Variants in DNAH9 observed in about 807,000 individuals in gnomAD.
The protein encoded by DNAH9 is DNAH9 variant protein.
A neutral mutation model predicts 471.6 loss-of-function variants in DNAH9; 345 were observed. The ratio of observed to expected loss-of-function variants is 0.73; its 90% CI spans 0.67 to 0.80. The LOEUF (loss-of-function observed/expected upper bound fraction) is 0.80, where lower values mean the gene tolerates loss of function less well. Among genes scored for constraint, DNAH9 ranks in the 30% least tolerant of loss-of-function variants. DNAH9 has a pLI of 0.00. For synonymous variants in DNAH9, 2,093 were observed against 2,123.6 expected (o/e 0.99, Z 0.40); for missense variants, 5,407 against 5,609.2 (o/e 0.96, Z 1.15).
At chr17:11,768,137 G>C (rs1968044634) in intron 36 of DNAH9, among the ~76,000 whole-genome samples, 1 of 152,140 alleles carries the variant, frequency 6.6e-6, no homozygotes, top group South Asian at 2.1e-4. Context: ...AGGAGTTCTT[G>C]ATTCTCCCCC....
chr17:11,701,463 TC>T (rs1262695806), intron 24 of DNAH9, among the ~76,000 whole-genome samples: 1 of 152,148 alleles, frequency 6.6e-6, no homozygotes, highest in Non-Finnish European at 1.5e-5. Context: ...TCAAGGGTGA[TC>T]TCTTTTTGCC....
At chr17:11,848,320 G>A (rs1971295208) in intron 49 of DNAH9, among the ~76,000 whole-genome samples, 1 of 152,052 alleles carries the variant, frequency 6.6e-6, no homozygotes, top group Admixed American at 6.6e-5. Flanking sequence ...AAAAAGTTTA[G>A]CATCACTAGT....
chr17:11,696,809 T>C (rs2074485282), intron 22 of DNAH9, among the ~76,000 whole-genome samples: 1 of 152,234 alleles, frequency 6.6e-6, no homozygotes, highest in African/African-American at 2.4e-5. Flanking sequence ...TATAACTGTA[T>C]TTTTATTCAT....
intron 17 of DNAH9, among the ~76,000 whole-genome samples, chr17:11,675,221 A>G (rs1355813016): frequency 6.6e-6 from 1 of 152,148 alleles, no homozygotes; most frequent in Non-Finnish European, 1.5e-5. Context: ...TTCAGTTCGT[A>G]GTATAAATAA....
At chr17:11,671,577 G>C (rs538469901) in intron 17 of DNAH9, among the ~76,000 whole-genome samples, 1 of 152,172 alleles carries the variant, frequency 6.6e-6, no homozygotes, top group Non-Finnish European at 1.5e-5. Flanking sequence ...TTAGGGCAGG[G>C]GGATAATGGC....
chr17:11,618,108 T>G (rs2072782576), intron 5 of DNAH9, among the ~76,000 whole-genome samples: 1 of 152,224 alleles, frequency 6.6e-6, no homozygotes, highest in South Asian at 2.1e-4. Context: ...GCCATATCTC[T>G]TTTTGGGTTG....
intron 19 of DNAH9, 31 bp from the exon 20 acceptor site, chr17:11,689,535 T>A (rs373507357): frequency 1.9e-6 from 3 of 1,575,568 alleles, no homozygotes; most frequent in Non-Finnish European, 2.6e-6. Context: ...CTGCGTGCCA[T>A]ACTTACAAAG....
intron 6 of DNAH9, among the ~76,000 whole-genome samples, chr17:11,621,080 T>G (rs2072849673): frequency 6.6e-6 from 1 of 152,020 alleles, no homozygotes; most frequent in South Asian, 2.1e-4. Context: ...AAATACAGAC[T>G]TAAACGGATT....
At chr17:11,961,174 G>A (rs1976131352) in intron 67 of DNAH9, among the ~76,000 whole-genome samples, 1 of 152,032 alleles carries the variant, frequency 6.6e-6, no homozygotes, top group Non-Finnish European at 1.5e-5. Flanking sequence ...AATTAGCCGG[G>A]TGTGGTGGCA....
intron 32 of DNAH9, among the ~76,000 whole-genome samples, chr17:11,752,501 C>A (rs1373085761): frequency 6.6e-6 from 1 of 152,002 alleles, no homozygotes; most frequent in African/African-American, 2.4e-5. Context: ...CGCGTCTCTA[C>A]TAAAAATACA....
chr17:11,680,696 C>T (rs2074118676), intron 18 of DNAH9, 27 bp from the exon 19 acceptor site: 3 of 1,610,518 alleles, frequency 1.9e-6, no homozygotes, highest in East Asian at 2.2e-5. Context: ...CCTTGGGAAT[C>T]TGACCACACT....
chr17:11,658,728 A>G (rs2073700142), intron 14 of DNAH9, among the ~76,000 whole-genome samples: 1 of 152,118 alleles, frequency 6.6e-6, no homozygotes, highest in African/African-American at 2.4e-5. Context: ...ATTTTATCAC[A>G]TGATTTCTCT....
At chr17:11,836,828 G>A (rs962823135) in intron 49 of DNAH9, among the ~76,000 whole-genome samples, 1 of 152,194 alleles carries the variant, frequency 6.6e-6, no homozygotes, top group Non-Finnish European at 1.5e-5. Context: ...TTGCCAAGAA[G>A]ACAAACGTCT....
chr17:11,887,809 C>T (rs1972925449), intron 57 of DNAH9, among the ~76,000 whole-genome samples: 1 of 151,786 alleles, frequency 6.6e-6, no homozygotes, highest in African/African-American at 2.4e-5. Context: ...TTCAGCTAAA[C>T]CACCATGTGA....
At chr17:11,666,029 A>G (rs937801433) in intron 15 of DNAH9, among the ~76,000 whole-genome samples, 1 of 152,154 alleles carries the variant, frequency 6.6e-6, no homozygotes, top group African/African-American at 2.4e-5. Context: ...GGGGTGCTCC[A>G]AACTAAGGAA....
chr17:11,954,677 A>T (rs1277732632), intron 67 of DNAH9, among the ~76,000 whole-genome samples: 2 of 151,944 alleles, frequency 1.3e-5, no homozygotes, highest in Non-Finnish European at 2.9e-5. Flanking sequence ...GAAATGTTAA[A>T]GAAATTTCTT....
At chr17:11,814,958 A>G (rs1455480467) in intron 45 of DNAH9, among the ~76,000 whole-genome samples, 2 of 101,358 alleles carry the variant, frequency 2.0e-5, no homozygotes, top group African/African-American at 6.5e-5. Flanking sequence ...TTTCCCTAGA[A>G]AGAAAAAAAA....
At chr17:11,810,068 G>A (rs1449396248) in intron 44 of DNAH9, among the ~76,000 whole-genome samples, 178 bp from the exon 45 acceptor site, 3 of 152,118 alleles carry the variant, frequency 2.0e-5, no homozygotes, top group Non-Finnish European at 2.9e-5. Context: ...GCCTGGGAAT[G>A]AGGCATAGTT....
At chr17:11,807,495 C>T (rs1227816283) in intron 43 of DNAH9, among the ~76,000 whole-genome samples, 1 of 152,110 alleles carries the variant, frequency 6.6e-6, no homozygotes. Flanking sequence ...TCCATGGGCT[C>T]CCCCAGGCTG....
Sources: allele counts gnomAD v4.1 joint callset (sites outside exome capture counted in the v4.1 genomes callset), GRCh38; gene constraint gnomAD v4.1.1; transcripts MANE v1.5; gene names NCBI Gene and HGNC (gene_info 2026-07-23, HGNC 2026-07-21).